The following RIPPLY3 variants were observed in gnomAD, a reference collection of about 807,000 sequenced individuals.
The protein encoded by RIPPLY3 is protein ripply3.
In RIPPLY3, 8 loss-of-function variants were observed where a neutral mutation model predicts 11.9. The observed-to-expected ratio is 0.67, with a 90% CI of 0.40 to 1.21. The LOEUF is 1.21. Among genes scored for constraint, RIPPLY3 ranks in the 50% most tolerant of loss-of-function variants. RIPPLY3 has a pLI of 0.01. For missense variants in RIPPLY3, 271 were observed against 246.0 expected (o/e 1.10, Z -0.68); for synonymous variants, 102 against 99.0 (o/e 1.03, Z -0.18).
Position 37,006,713 on chromosome 21 carries a change from T to C in RIPPLY3, c.-60T>C. On this transcript the variant is annotated 5_prime_UTR_variant, in exon 1 of 4. Transcript: ENST00000329553. This position sits in a 1 kb window ranked among gnomAD's most constrained non-coding sequence, Gnocchi z 5.2. ...GGGTAGGTGAGCGCGTTAGCCCGAGTGGATCTAGGCGCGCTCGTAGGCCGG... is the reference window on the plus strand; with the variant it reads ...GGGTAGGTGAGCGCGTTAGCCCGAGCGGATCTAGGCGCGCTCGTAGGCCGG... 1.8e-6 allele frequency: 2 copies of C among 1,093,888 alleles called. No individual in the cohort carries two copies. The highest frequency in any genetic ancestry group is 8.9e-5 in the South Asian group (2 of 22,464). 67.8% of individuals were successfully genotyped at this position (1,093,888 alleles called of 1,614,324 possible).
intron 2 of RIPPLY3, among the ~76,000 whole-genome samples, chr21:37,011,457 C>T (rs910355230): frequency 6.6e-6 from 1 of 151,998 alleles, no homozygotes; most frequent in East Asian, 1.9e-4. Context: ...CCGAGTTAGG[C>T]CCTGTCTGAT....
rs140433043 is a variant in RIPPLY3, at chr21:37,018,144, G to C, written c.510G>C (p.Trp170Cys). The C allele has an allele frequency of 3.1e-4, 496 of 1,613,958 alleles. 5 individuals are homozygous for C. Among genetic ancestry groups the C allele is most frequent in the African/African-American group, 2.9e-3 (221 of 75,032 alleles). ...GQRSSGGGDH[W>C]GEGPLPQGVS... ...GATCCTCAGGAGGGGGTGACCACTG[G>C]GGGGAGGGTCCGCTCCCTCAAGGTG... The change falls in exon 4 of 4, where the codon TGG becomes TGC. Residue 170 changes from tryptophan to cysteine, a missense_variant. Transcript: ENST00000329553.
At chr21:37,015,625 A>G (rs2069569945) in intron 3 of RIPPLY3, among the ~76,000 whole-genome samples, 1 of 152,152 alleles carries the variant, frequency 6.6e-6, no homozygotes, top group Non-Finnish European at 1.5e-5. Flanking sequence ...AACCCCATGT[A>G]CCCATCACCG....
intron 2 of RIPPLY3, among the ~76,000 whole-genome samples, chr21:37,012,578 C>T (rs1213575087): frequency 6.6e-6 from 1 of 152,040 alleles, no homozygotes; most frequent in Non-Finnish European, 1.5e-5. Context: ...AGCTCTTTAC[C>T]ATCAATTTTC....
chr21:37,018,025 C>T lies in RIPPLY3; in HGVS notation c.391C>T (p.Pro131Ser). 6.2e-7 allele frequency: 1 copy of T among 1,614,086 alleles called. No individual in the cohort carries two copies. Among genetic ancestry groups the T allele is most frequent in the Non-Finnish European group, 8.5e-7 (1 of 1,180,010 alleles). Residue 131 changes from proline (P) to serine (S), a missense_variant, in exon 4 of 4, where the codon CCA (proline) becomes TCA (serine). Coordinates refer to ENST00000329553, the MANE Select transcript of RIPPLY3 (RefSeq NM_018962.3). ...SEAEEPEEGP[P>S]PLHLLPQEVG... ...AGCTGAAGAGCCAGAGGAAGGACCC[C>T]CACCCCTCCATCTTCTGCCCCAGGA...
intron 2 of RIPPLY3, among the ~76,000 whole-genome samples, chr21:37,008,833 T>C (rs2069493431): frequency 6.6e-6 from 1 of 151,440 alleles, no homozygotes; most frequent in Non-Finnish European, 1.5e-5. Context: ...TGCGGTTTCT[T>C]CTGCAAAGCA....
At position 37,008,196 on chromosome 21, in the gene RIPPLY3, T is replaced by A. The variant is rs749123814; in HGVS notation, c.144T>A (p.Asp48Glu). The A allele has an allele frequency of 1.2e-6, 2 of 1,614,184 alleles. No individual in the cohort carries two copies. Among genetic ancestry groups the A allele is most frequent in the South Asian group, 2.2e-5 (2 of 91,086 alleles). The change falls in exon 2 of 4, where the codon GAT becomes GAA. Residue 48 changes from aspartate (D) to glutamate (E), a missense_variant. Asp to Glu is a conservative substitution (Grantham distance 45). Coordinates refer to ENST00000329553, the MANE Select transcript of RIPPLY3 (RefSeq NM_018962.3). Reference protein sequence around the residue: ...PWRPWIQTPGDAELTRTGRPL... With the variant: ...PWRPWIQTPGEAELTRTGRPL... ...GACCTTGGATCCAGACACCTGGAGA[T>A]GCTGAGCTGACCAGAACTGGAAGGC...
intron 2 of RIPPLY3, among the ~76,000 whole-genome samples, chr21:37,012,231 T>TTA (rs1569286413): frequency 6.8e-6 from 1 of 147,710 alleles, no homozygotes; most frequent in Non-Finnish European, 1.5e-5. Flanking sequence ...ATTATTATTA[T>TTA]TATTATTATT....
rs535618714 is a variant in RIPPLY3 at position 37,009,741 on chromosome 21, C to T, written c.171+1518C>T. On this transcript the variant is annotated intron_variant, in intron 2 of 3. Coordinates refer to ENST00000329553, the MANE Select transcript of RIPPLY3 (RefSeq NM_018962.3). Reference sequence around the variant, plus strand: ...GTTTTGTTTTCTGTTTTGATAAGGCCGTTTGTGAGAAAAATTTACTTGCAG... The same window carrying T: ...GTTTTGTTTTCTGTTTTGATAAGGCTGTTTGTGAGAAAAATTTACTTGCAG... 2.0e-5 allele frequency among the ~76,000 whole-genome samples: 3 copies of T among 152,280 alleles called. No homozygotes were observed. The South Asian group carries it at 6.2e-4, about 32-fold the overall frequency.
At chr21:37,008,253 CCCTT>C (rs2069485879) in intron 2 of RIPPLY3, 30 bp downstream of exon 2, 1 of 1,610,270 alleles carries the variant, frequency 6.2e-7, no homozygotes, top group African/African-American at 1.3e-5. Context: ...TTGTAGGTAA[CCCTT>C]CCAGCCAGAA....
In RIPPLY3 at chr21:37,006,781, C is replaced by G. The variant is rs1264972519; in HGVS notation, c.9C>G (p.Pro3=). The G allele has an allele frequency of 1.1e-5, 14 of 1,231,812 alleles. No individual in the cohort carries two copies. Among genetic ancestry groups the G allele is most frequent in the Admixed American group, 4.3e-5 (1 of 23,486 alleles). 76.3% of individuals were successfully genotyped at this position (1,231,812 alleles called of 1,614,324 possible). Residue 3 remains proline (P), a synonymous_variant, in exon 1 of 4, where the codon CCC becomes CCG. Transcript: ENST00000329553. This position sits in a 1 kb window ranked among gnomAD's most constrained non-coding sequence, Gnocchi z 5.2. ...CGGGCTCCGCCGGCACCATGGAGCC[C>G]GAAGCGGCGGCCGGAGCCCGGAAGG... ME[P]EAAAGARKAR... is the part of the protein sequence containing the mutation.
rs2069549203 is a variant in RIPPLY3, at chr21:37,013,624, A to G, written c.239+6A>G. 1 of 1,608,500 alleles carries G rather than the reference A, an allele frequency of 6.2e-7. No individual in the cohort carries two copies. Among genetic ancestry groups the G allele is most frequent in the South Asian group, 1.1e-5 (1 of 90,776 alleles). On this transcript the variant is annotated splice_donor_region_variant and intron_variant, in intron 3 of 3. Coordinates refer to ENST00000329553, the MANE Select transcript of RIPPLY3 (RefSeq NM_018962.3). Reference sequence around the variant, plus strand: ...GGGTTTCAGCATCCTGTAAGGTAATATACGACTTCACAATAAGTAATCTGT... The same window carrying G: ...GGGTTTCAGCATCCTGTAAGGTAATGTACGACTTCACAATAAGTAATCTGT...
chr21:37,006,948 GCGGGAGGCT>G lies in RIPPLY3; in HGVS notation c.104+73_104+81del. The G allele has an allele frequency of 1.1e-6, 1 of 925,278 alleles. No individual in the cohort carries two copies. The highest frequency in any genetic ancestry group is 1.4e-6 in the Non-Finnish European group (1 of 715,110). The allele number at this position is 925,278 out of a possible 1,614,324, so 57.3% of individuals were successfully genotyped here. A position where few individuals can be genotyped will look rare whatever the true frequency, so the allele number is the denominator to read the frequency against. ...GGTGGCGGTGCGGGGAGCGCAGCGA[GCGGGAGGCT>G]GGGGCGCTGCTGAACCCCCGATCCC... On this transcript the variant is annotated intron_variant, in intron 1 of 3. Transcript: ENST00000329553. This position sits in a 1 kb window ranked among gnomAD's most constrained non-coding sequence, Gnocchi z 5.2.
In RIPPLY3 at chr21:37,013,614, G is replaced by A; in HGVS notation, c.235G>A (p.Val79Ile). ...SKGAFGFQHP[V>I]RVYLPMSKRQ... ...GGGAGCCTTTGGGTTTCAGCATCCT[G>A]TAAGGTAATATACGACTTCACAATA... is the stretch of plus-strand genomic sequence containing the variant. Residue 79 changes from valine to isoleucine, a missense_variant, in exon 3 of 4, where the codon GTA becomes ATA. Transcript: ENST00000329553. The A allele has an allele frequency of 6.2e-7, 1 of 1,612,960 alleles. No individual in the cohort carries two copies. Among genetic ancestry groups the A allele is most frequent in the Non-Finnish European group, 8.5e-7 (1 of 1,179,132 alleles).
intron 2 of RIPPLY3, among the ~76,000 whole-genome samples, chr21:37,010,444 G>T (rs1601095898): frequency 6.6e-6 from 1 of 152,280 alleles, no homozygotes; most frequent in East Asian, 1.9e-4. Flanking sequence ...AGTGAGCTGA[G>T]ATCGGGACAC....
intron 3 of RIPPLY3, among the ~76,000 whole-genome samples, chr21:37,017,186 G>T (rs1471830570): frequency 6.6e-6 from 1 of 151,700 alleles, no homozygotes; most frequent in East Asian, 1.9e-4. Flanking sequence ...CAGGGAGGGG[G>T]TATCTTAATA....
intron 3 of RIPPLY3, among the ~76,000 whole-genome samples, chr21:37,015,875 ATTTT>A (rs1213665501): frequency 1.6e-5 from 2 of 121,982 alleles, no homozygotes; most frequent in African/African-American, 6.2e-5. Context: ...CACCCAGCTA[ATTTT>A]TTTTTTTTTT....
At chr21:37,015,964 T>C (rs1601099542) in intron 3 of RIPPLY3, among the ~76,000 whole-genome samples, 2 of 151,844 alleles carry the variant, frequency 1.3e-5, no homozygotes, top group Admixed American at 1.3e-4. Flanking sequence ...TCCTCTTGCT[T>C]TGGCTTCCCA....
At position 37,018,860 on chromosome 21, in the gene RIPPLY3, T is replaced by C. The variant is rs991414445; in HGVS notation, c.*653T>C. On this transcript the variant is annotated 3_prime_UTR_variant, in exon 4 of 4. Coordinates refer to ENST00000329553, the MANE Select transcript of RIPPLY3 (RefSeq NM_018962.3). ...GGCATGAGCTACCACGCCTGGCTAA[T>C]TTTTTGTATTTTTAGTAGAGACTCG... 6.7e-6 allele frequency: 1 copy of C among 149,886 alleles called. No homozygotes were observed. The highest frequency in any genetic ancestry group is 1.5e-5 in the Non-Finnish European group (1 of 67,632). The allele number at this position is 149,886 out of a possible 1,614,324, so 9.3% of individuals were successfully genotyped here.
Sources: gnomAD v4.1 joint callset for allele counts (sites outside exome capture counted in the v4.1 genomes callset) on GRCh38, gnomAD v4.1.1 for gene constraint, Gnocchi (gnomAD v3.1) non-coding constraint, MANE v1.5 for transcripts, NCBI Gene and HGNC (gene_info 2026-07-23, HGNC 2026-07-21) for gene names.